The following THADA variants were observed in gnomAD, a reference collection of about 807,000 sequenced individuals.
THADA encodes the protein tRNA (32-2'-O)-methyltransferase regulator THADA.
THADA carries 213 observed loss-of-function variants against 219.8 expected under a neutral mutation model. The observed-to-expected ratio is 0.97, with a 90% CI of 0.87 to 1.09. THADA has a LOEUF of 1.09. THADA is among the 50% of genes least tolerant of loss of function. THADA has a pLI of 0.00. For missense variants in THADA, 2,956 were observed against 2,311.3 expected (o/e 1.28, Z -5.72); for synonymous variants, 1,018 against 828.9 (o/e 1.23, Z -3.92).
At chr2:43,470,260 G>A (rs1478390510) in intron 26 of THADA, among the ~76,000 whole-genome samples, 2 of 149,518 alleles carry the variant, frequency 1.3e-5, no homozygotes, top group Non-Finnish European at 3.0e-5. Context: ...CTGACAATAT[G>A]TAAATAGAGT....
chr2:43,390,509 A>G (rs1026183395), intron 29 of THADA, among the ~76,000 whole-genome samples: 9 of 152,152 alleles, frequency 5.9e-5, no homozygotes, highest in African/African-American at 9.7e-5. Flanking sequence ...AACGTTTCCA[A>G]TGACGACTAT....
At chr2:43,479,602 G>A (rs1434649982) in intron 26 of THADA, among the ~76,000 whole-genome samples, 2 of 149,974 alleles carry the variant, frequency 1.3e-5, no homozygotes, top group African/African-American at 5.0e-5. Flanking sequence ...GAGTTTTATA[G>A]AGATAAATGT....
chr2:43,582,192 T>C (rs545535456), intron 7 of THADA, among the ~76,000 whole-genome samples: 102 of 152,264 alleles, frequency 6.7e-4, no homozygotes, highest in African/African-American at 2.4e-3. Context: ...AGATAAGAAA[T>C]CAAGAATGAA....
intron 22 of THADA, among the ~76,000 whole-genome samples, chr2:43,516,638 T>C (rs1691759107): frequency 6.6e-6 from 1 of 152,140 alleles, no homozygotes. Context: ...CTAAATAATT[T>C]GCTCAAGGTT....
chr2:43,250,079 C>T (rs1349244789), intron 36 of THADA, among the ~76,000 whole-genome samples: 1 of 152,112 alleles, frequency 6.6e-6, no homozygotes, highest in Admixed American at 6.6e-5. Flanking sequence ...GAAAGCAGTA[C>T]CCAAATAAAA....
intron 36 of THADA, among the ~76,000 whole-genome samples, chr2:43,243,556 C>T (rs1668829172): frequency 6.6e-6 from 1 of 152,070 alleles, no homozygotes; most frequent in Non-Finnish European, 1.5e-5. Flanking sequence ...TGTGGAGGGG[C>T]TCATCTCCTC....
intron 26 of THADA, among the ~76,000 whole-genome samples, chr2:43,438,229 G>A: frequency 6.6e-6 from 1 of 150,808 alleles, no homozygotes; most frequent in Non-Finnish European, 1.5e-5. Context: ...GTGAACCCAG[G>A]AGGCGGAGCT....
intron 31 of THADA, among the ~76,000 whole-genome samples, chr2:43,319,181 T>A (rs1202678374): frequency 6.6e-6 from 1 of 152,206 alleles, no homozygotes; most frequent in Non-Finnish European, 1.5e-5. Context: ...AACTTTAGAC[T>A]CCAGTTGACT....
At chr2:43,475,995 T>C (rs1183562861) in intron 26 of THADA, among the ~76,000 whole-genome samples, 2 of 152,204 alleles carry the variant, frequency 1.3e-5, no homozygotes, top group African/African-American at 2.4e-5. Context: ...CTCTATCTCA[T>C]CCTTCCTCTT....
chr2:43,231,612 A>T (rs1378261010), intron 37 of THADA, among the ~76,000 whole-genome samples: 1 of 152,170 alleles, frequency 6.6e-6, no homozygotes, highest in African/African-American at 2.4e-5. Context: ...TTGTGGTTCA[A>T]AGTCAAGATA....
intron 26 of THADA, among the ~76,000 whole-genome samples, chr2:43,482,067 G>A (rs907215093): frequency 3.9e-5 from 6 of 152,142 alleles, no homozygotes; most frequent in Admixed American, 3.9e-4. Flanking sequence ...TAGAAAACAT[G>A]CATATTGCAC....
At chr2:43,590,468 A>G (rs1444541428) in intron 4 of THADA, among the ~76,000 whole-genome samples, 1 of 152,042 alleles carries the variant, frequency 6.6e-6, no homozygotes, top group Non-Finnish European at 1.5e-5. Context: ...CAAGGTCAGG[A>G]GATCAAGACC....
At chr2:43,352,417 G>A (rs1181530945) in intron 29 of THADA, among the ~76,000 whole-genome samples, 1 of 152,136 alleles carries the variant, frequency 6.6e-6, no homozygotes, top group Non-Finnish European at 1.5e-5. Flanking sequence ...AATTAGCTGG[G>A]TGTGGTGGCT....
intron 12 of THADA, among the ~76,000 whole-genome samples, chr2:43,572,146 C>T (rs895912674): frequency 6.6e-6 from 1 of 152,036 alleles, no homozygotes; most frequent in Non-Finnish European, 1.5e-5. Context: ...TCCAGTGACC[C>T]CTTTTACCCC....
chr2:43,256,261 C>T (rs764452595), intron 36 of THADA, among the ~76,000 whole-genome samples: 1 of 152,134 alleles, frequency 6.6e-6, no homozygotes, highest in Non-Finnish European at 1.5e-5. Context: ...GTAATCCCAG[C>T]ACTTTGGGAG....
chr2:43,362,038 A>G (rs954209063), intron 29 of THADA, among the ~76,000 whole-genome samples: 9 of 152,224 alleles, frequency 5.9e-5, no homozygotes, highest in Non-Finnish European at 8.8e-5. Context: ...ACTCTTTAAA[A>G]TAGGCTAAGA....
At chr2:43,318,601 T>C (rs1008836693) in intron 31 of THADA, among the ~76,000 whole-genome samples, 1 of 152,196 alleles carries the variant, frequency 6.6e-6, no homozygotes. Context: ...TATTGGATAG[T>C]GCAGGACAAA....
At chr2:43,287,414 C>G (rs1046754842) in intron 34 of THADA, among the ~76,000 whole-genome samples, 2 of 152,094 alleles carry the variant, frequency 1.3e-5, no homozygotes, top group African/African-American at 4.8e-5. Flanking sequence ...CTTGCTTCAG[C>G]CTTCCGAGTA....
chr2:43,508,452 G>A (rs891056331), intron 23 of THADA, among the ~76,000 whole-genome samples, 196 bp downstream of exon 23: 2 of 152,060 alleles, frequency 1.3e-5, no homozygotes, highest in Non-Finnish European at 2.9e-5. Context: ...ACCTTTTAGA[G>A]GGTTTGTTCC....
Sources: gnomAD v4.1 joint callset for allele counts (sites outside exome capture counted in the v4.1 genomes callset) on GRCh38, gnomAD v4.1.1 for gene constraint, MANE v1.5 for transcripts, NCBI Gene and HGNC (gene_info 2026-07-23, HGNC 2026-07-21) for gene names.